The following GCN1 variants were observed in gnomAD, a reference collection of about 807,000 sequenced individuals.
The protein encoded by GCN1 is GCN1 activator of EIF2AK4, also known as stalled ribosome sensor GCN1.
GCN1 carries 90 observed loss-of-function variants against 288.4 expected under a neutral mutation model. That is an observed-to-expected ratio of 0.31 (90% CI 0.26 to 0.37). GCN1 has a LOEUF of 0.37. GCN1 is among the 10% of genes least tolerant of loss of function. The pLI, the probability that GCN1 is intolerant of heterozygous loss-of-function variation, is 1.00. For synonymous variants in GCN1, 1,386 were observed against 1,420.2 expected (o/e 0.98, Z 0.54); for missense variants, 2,586 against 3,419.9 (o/e 0.76, Z 6.08).
At chr12:120,147,897 A>G (rs540723079) in intron 37 of GCN1, among the ~76,000 whole-genome samples, 5 of 152,292 alleles carry the variant, frequency 3.3e-5, no homozygotes. Context: ...TGGAATAGCA[A>G]GTTTTCACAG....
rs1485251659 is a variant in GCN1 at position 120,153,754 on chromosome 12, G to A, written c.3857C>T (p.Thr1286Ile). Residue 1286 changes from threonine (T) to isoleucine (I), a missense_variant, in exon 32 of 58, where the codon ACT becomes ATT. Around this residue, in one of 8 missense-constraint regions of GCN1, gnomAD observed 332 missense variants for 403.0 expected, o/e 0.82. Coordinates refer to ENST00000300648, the MANE Select transcript of GCN1 (RefSeq NM_006836.2). This position sits in a 1 kb window ranked among gnomAD's most constrained non-coding sequence, Gnocchi z 4.4. ...MLDAALATLN[T>I]HGKENVNSLL... The stretch of plus-strand genomic sequence containing the variant: ...CTGGGACCCCCTTACCTTCCCATGA[G>A]TGTTGAGCGTTGCGAGGGCTGCATC... 1 of 1,613,964 alleles carries A rather than the reference G, an allele frequency of 6.2e-7. No homozygotes were observed. The highest frequency in any genetic ancestry group is 1.7e-5 in the Admixed American group (1 of 60,024).
At chr12:120,171,042 GCAGC>G (rs1420615012) in intron 14 of GCN1, among the ~76,000 whole-genome samples, 5 of 151,580 alleles carry the variant, frequency 3.3e-5, no homozygotes, top group African/African-American at 9.7e-5. Flanking sequence ...TCAGGAGGCT[GCAGC>G]AGGAGAATCG....
chr12:120,141,059 T>G, intron 44 of GCN1, 36 bp from the exon 45 acceptor site: 2 of 1,584,760 alleles, frequency 1.3e-6, no homozygotes, highest in Non-Finnish European at 1.7e-6. Flanking sequence ...GTAAAGTCCC[T>G]GCAAAGCCCA....
Position 120,132,005 on chromosome 12 carries a change from G to T in GCN1, c.7335C>A (p.Ser2445=). 1 of 1,593,958 alleles carries T rather than the reference G, an allele frequency of 6.3e-7. No homozygotes were observed. Among genetic ancestry groups the T allele is most frequent in the Non-Finnish European group, 8.6e-7 (1 of 1,168,416 alleles). Residue 2445 remains serine (S), a synonymous_variant, in exon 54 of 58, where the codon TCC becomes TCA. Transcript: ENST00000300648. ...LGHDEDNTRI[S]SAGCLGELCA... Reference sequence around the variant, plus strand: ...ACAGTTCCCCTAGGCACCCGGCTGAGGAGATGCGAGTGTTGTCCTGACAGG... The same window carrying T: ...ACAGTTCCCCTAGGCACCCGGCTGATGAGATGCGAGTGTTGTCCTGACAGG...
rs201658431 is a variant in GCN1 at position 120,148,154 on chromosome 12, G to A, written c.4726+13C>T. ...GGGAGGTCAGGGCAAGCACCCTCAC[G>A]GGAAAGGCCTACCCAGGATCTCCGG... On this transcript the variant is annotated intron_variant, in intron 37 of 57. Coordinates refer to ENST00000300648, the MANE Select transcript of GCN1 (RefSeq NM_006836.2). 5.9e-5 allele frequency: 95 copies of A among 1,601,052 alleles called. No homozygotes were observed. The highest frequency in any genetic ancestry group is 8.9e-5 in the East Asian group (4 of 44,806).
Position 120,175,166 on chromosome 12 carries a change from G to A in GCN1, c.1089C>T (p.Leu363=). 1 of 1,559,776 alleles carries A rather than the reference G, an allele frequency of 6.4e-7. No individual in the cohort carries two copies. Among genetic ancestry groups the A allele is most frequent in the Non-Finnish European group, 8.8e-7 (1 of 1,133,284 alleles). ...AAAAAAAAAGAAATCCTATACCTGA[G>A]AGGACGCTCATCTTCTGGGCTACAA... ...LTVVAQKMSV[L]SGIGSVSHHV... Residue 363 remains leucine, a synonymous_variant, in exon 12 of 58, where the codon CTC becomes CTT. Coordinates refer to ENST00000300648, the MANE Select transcript of GCN1 (RefSeq NM_006836.2).
Position 120,154,955 on chromosome 12 carries a change from G to A in GCN1, c.3701+15C>T. 6.2e-7 allele frequency: 1 copy of A among 1,606,908 alleles called. No homozygotes were observed. Among genetic ancestry groups the A allele is most frequent in the South Asian group, 1.1e-5 (1 of 90,938 alleles). On this transcript the variant is annotated intron_variant, in intron 31 of 57. Coordinates refer to ENST00000300648, the MANE Select transcript of GCN1 (RefSeq NM_006836.2). ...ACAAAGCTTGGAGTAGAACGAGGCT[G>A]AACAATTGTTATACCTGGCTTCCCA...
intron 2 of GCN1, among the ~76,000 whole-genome samples, chr12:120,186,366 C>T (rs1468904139): frequency 6.6e-6 from 1 of 150,460 alleles, no homozygotes; most frequent in Non-Finnish European, 1.5e-5. Context: ...CAGAGCGAGA[C>T]TCCATCTCAA....
chr12:120,135,778 TA>T (rs903975783), intron 51 of GCN1, among the ~76,000 whole-genome samples: 14 of 151,914 alleles, frequency 9.2e-5, no homozygotes, highest in African/African-American at 1.9e-4. Flanking sequence ...ACAAAGGGGA[TA>T]GGGGGAGCTG....
In GCN1 at chr12:120,163,105, T is replaced by C. The variant is rs778615780; in HGVS notation, c.2003A>G (p.Gln668Arg). ...GTGGTGGGAGATGATCAGCATTTCC[T>C]GGGCCAGTTGTTCAGTGTCGGTGAC... Reference protein sequence around the residue: ...GDVTDTEQLAQEMLIISHHPS... With the variant: ...GDVTDTEQLAREMLIISHHPS... Residue 668 changes from glutamine to arginine, a missense_variant, in exon 19 of 58, where the codon CAG (glutamine) becomes CGG (arginine). Around this residue, in one of 8 missense-constraint regions of GCN1, gnomAD observed 913 missense variants for 1,107.0 expected, o/e 0.82. Transcript: ENST00000300648. 4 of 1,614,106 alleles carry C rather than the reference T, an allele frequency of 2.5e-6. No homozygotes were observed. The highest frequency in any genetic ancestry group is 2.5e-6 in the Non-Finnish European group (3 of 1,180,036).
In GCN1 at chr12:120,129,425, G is replaced by A. The variant is rs1380192983; in HGVS notation, c.7741C>T (p.Pro2581Ser). 3.7e-6 allele frequency: 6 copies of A among 1,613,854 alleles called. No individual in the cohort carries two copies. The highest frequency in any genetic ancestry group is 5.1e-6 in the Non-Finnish European group (6 of 1,179,798). The change falls in exon 57 of 58, where the codon CCA becomes TCA. Residue 2581 changes from proline to serine, a missense_variant. By Grantham distance (74) the Pro-to-Ser change is moderately conservative. This residue lies in a region of GCN1 where 355 missense variants were observed against 431.1 expected (regional missense o/e 0.82). Transcript: ENST00000300648. Reference sequence around the variant, plus strand: ...GCCTGGGGGTCCAGGGGAGGCAGTGGGTCCTTATTTGCCCACCAGATCATC... The same window carrying A: ...GCCTGGGGGTCCAGGGGAGGCAGTGAGTCCTTATTTGCCCACCAGATCATC... Reference protein sequence around the residue: ...EKMIWWANKDPLPPLDPQAIK... With the variant: ...EKMIWWANKDSLPPLDPQAIK...
chr12:120,178,986 A>G, intron 5 of GCN1, 36 bp from the exon 6 acceptor site: 1 of 1,557,018 alleles, frequency 6.4e-7, no homozygotes, highest in East Asian at 2.3e-5. Flanking sequence ...TCAAGGTGGG[A>G]CATGAGACTG....
Position 120,142,133 on chromosome 12 carries a change from T to C in GCN1, c.5829+374A>G, listed in dbSNP as rs1243554369. ...CGAGGTCAGGAGATCGAGACCGTCCTGGCTAACGTGCTGAAACCCCGTCTC... is the reference window on the plus strand; with the variant it reads ...CGAGGTCAGGAGATCGAGACCGTCCCGGCTAACGTGCTGAAACCCCGTCTC... On this transcript the variant is annotated intron_variant, in intron 44 of 57. Transcript: ENST00000300648. The surrounding 1 kb of genome is among the most constrained non-coding windows in gnomAD (Gnocchi z 4.9). Among the ~76,000 whole-genome samples the C allele has an allele frequency of 6.6e-6, 1 of 152,044 alleles. No homozygotes were observed. Among genetic ancestry groups the C allele is most frequent in the African/African-American group, 2.4e-5 (1 of 41,380 alleles).
chr12:120,175,721 C>T (rs778050538), intron 11 of GCN1, 25 bp downstream of exon 11: 42 of 1,601,420 alleles, frequency 2.6e-5, no homozygotes, highest in Non-Finnish European at 3.5e-5. Context: ...CTCAACCACC[C>T]GCATGGCCAA....
At chr12:120,183,211 G>A (rs997775757) in intron 5 of GCN1, among the ~76,000 whole-genome samples, 13 of 152,182 alleles carry the variant, frequency 8.5e-5, no homozygotes, top group Non-Finnish European at 1.6e-4. Context: ...AAAACACCAA[G>A]AGGATTTACA....
intron 57 of GCN1, among the ~76,000 whole-genome samples, chr12:120,128,617 G>A (rs765283256): frequency 1.3e-5 from 2 of 152,066 alleles, no homozygotes; most frequent in Non-Finnish European, 2.9e-5. Context: ...GATTACAGGC[G>A]TGAGCCACCG....
chr12:120,165,000 T>C (rs932405450), intron 16 of GCN1, among the ~76,000 whole-genome samples: 36 of 62,422 alleles, frequency 5.8e-4, no homozygotes, highest in Middle Eastern at 7.1e-3. Flanking sequence ...TATACACATA[T>C]ATACACACAC....
rs765239956 is a variant in GCN1, at chr12:120,164,400, A to G, written c.1784T>C (p.Leu595Pro). The G allele has an allele frequency of 8.7e-6, 14 of 1,614,156 alleles. No individual in the cohort carries two copies. The highest frequency in any genetic ancestry group is 7.6e-6 in the Non-Finnish European group (9 of 1,180,024). Residue 595 changes from leucine to proline, a missense_variant, in exon 18 of 58, where the codon CTT becomes CCT. Physicochemically the swap from Leu to Pro is moderately conservative, Grantham distance 98. This residue lies in a region of GCN1 where 913 missense variants were observed against 1,107.0 expected (regional missense o/e 0.82). Transcript: ENST00000300648. The stretch of plus-strand genomic sequence containing the variant: ...TCCGTGCGCCAGCTTAAAGCCCCCA[A>G]GAGAGGACAGCAGCTTCCGAACTGT... ...QQTVRKLLSS[L>P]GGFKLAHGLL...
Position 120,173,768 on chromosome 12 carries a change from G to T in GCN1, c.1251C>A (p.Phe417Leu), listed in dbSNP as rs765202980. 2.5e-6 allele frequency: 4 copies of T among 1,613,636 alleles called. No individual in the cohort carries two copies. The Admixed American group carries it at 6.7e-5, about 27-fold the overall frequency. ...VSVLALWCNR[F>L]TMEVPKKLTE... ...TGAGCTTCTTGGGCACTTCCATAGT[G>T]AATCGGTTACACCAGAGAGCCAGGA... Residue 417 changes from phenylalanine (F) to leucine (L), a missense_variant, in exon 14 of 58, where the codon TTC becomes TTA. Transcript: ENST00000300648.
Sources: allele counts gnomAD v4.1 joint callset (sites outside exome capture counted in the v4.1 genomes callset), GRCh38; gene constraint gnomAD v4.1.1; regional missense constraint gnomAD v4.1.1; non-coding constraint Gnocchi (gnomAD v3.1); transcripts MANE v1.5; gene names NCBI Gene and HGNC (gene_info 2026-07-23, HGNC 2026-07-21).